The following SLC4A4 variants were observed in gnomAD, a reference collection of about 807,000 sequenced individuals.
SLC4A4 encodes electrogenic sodium bicarbonate cotransporter 1.
SLC4A4 carries 27 observed loss-of-function variants against 111.5 expected under a neutral mutation model. The observed-to-expected ratio is 0.24, with a 90% CI of 0.18 to 0.33. The LOEUF is 0.33. SLC4A4 is among the 10% of genes least tolerant of loss of function. The pLI, the probability that SLC4A4 is intolerant of heterozygous loss-of-function variation, is 1.00. For synonymous variants in SLC4A4, 443 were observed against 463.4 expected, an observed-to-expected ratio of 0.96 and a Z score of 0.57; for missense variants, 909 against 1,315.5, an observed-to-expected ratio of 0.69 and a Z score of 4.78.
chr4:71,149,976 C>T (rs1333126578), intron 2 of SLC4A4, among the ~76,000 whole-genome samples: 1 of 151,908 alleles, frequency 6.6e-6, no homozygotes, highest in Non-Finnish European at 1.5e-5. Flanking sequence ...TTTTAAAAAA[C>T]TTAAGCTTTC....
chr4:71,319,632 C>A (rs548022179), intron 3 of SLC4A4, among the ~76,000 whole-genome samples: 2 of 151,898 alleles, frequency 1.3e-5, no homozygotes, highest in Non-Finnish European at 2.9e-5. Context: ...ATCAAAAGTG[C>A]CAGAATCAAT....
chr4:71,425,138 T>C (rs1722999438), intron 7 of SLC4A4, among the ~76,000 whole-genome samples: 1 of 152,094 alleles, frequency 6.6e-6, no homozygotes, highest in South Asian at 2.1e-4. Flanking sequence ...GTGTTTAAGA[T>C]GGTATTTGTC....
intron 1 of SLC4A4, among the ~76,000 whole-genome samples, chr4:71,195,425 A>G (rs1745951249): frequency 6.6e-6 from 1 of 152,096 alleles, no homozygotes; most frequent in South Asian, 2.1e-4. Context: ...CTTGACGCAA[A>G]TGTGGCCAAT....
chr4:71,527,992 C>A (rs1578119074), intron 16 of SLC4A4, among the ~76,000 whole-genome samples: 1 of 152,004 alleles, frequency 6.6e-6, no homozygotes, highest in Non-Finnish European at 1.5e-5. Context: ...AGGAAACCAG[C>A]AAAGAAGAAC....
chr4:71,473,097 A>G (rs779954778), intron 14 of SLC4A4, 127 bp downstream of exon 14: 2 of 1,068,712 alleles, frequency 1.9e-6, no homozygotes, highest in South Asian at 2.5e-5. Flanking sequence ...TCTCTGAAAA[A>G]CTCTGCTACT....
chr4:71,472,175 A>T (rs192904125), intron 13 of SLC4A4, among the ~76,000 whole-genome samples: 1 of 151,896 alleles, frequency 6.6e-6, no homozygotes, highest in Non-Finnish European at 1.5e-5. Context: ...CTGCGACTTC[A>T]TCTTTCCTTC....
At chr4:71,455,190 A>C (rs1188336895) in intron 12 of SLC4A4, among the ~76,000 whole-genome samples, 1 of 152,200 alleles carries the variant, frequency 6.6e-6, no homozygotes, top group East Asian at 1.9e-4. Context: ...TGATTTTTAA[A>C]TATTGGCAAC....
chr4:71,316,041 G>C (rs1227852573), intron 3 of SLC4A4, among the ~76,000 whole-genome samples: 1 of 152,122 alleles, frequency 6.6e-6, no homozygotes, highest in Non-Finnish European at 1.5e-5. Context: ...GCTTTATTTA[G>C]AGCCAGTTGG....
At chr4:71,179,716 G>A (rs1745224430) in intron 2 of SLC4A4, among the ~76,000 whole-genome samples, 1 of 152,122 alleles carries the variant, frequency 6.6e-6, no homozygotes, top group South Asian at 2.1e-4. Flanking sequence ...ACAAACAAAT[G>A]GAAGAACATT....
chr4:71,369,634 C>CAGAAAGACAA, intron 6 of SLC4A4, among the ~76,000 whole-genome samples: 1 of 152,052 alleles, frequency 6.6e-6, no homozygotes, highest in African/African-American at 2.4e-5. Flanking sequence ...ACAGAATGGG[C>CAGAAAGACAA]TATGGACAAC....
chr4:71,174,938 G>A (rs1157992023), intron 2 of SLC4A4, among the ~76,000 whole-genome samples: 3 of 152,146 alleles, frequency 2.0e-5, no homozygotes, highest in Non-Finnish European at 2.9e-5. Context: ...GAGCCCAGGT[G>A]GGAAGTGAGC....
intron 22 of SLC4A4, among the ~76,000 whole-genome samples, chr4:71,558,821 A>T (rs1736700343): frequency 6.6e-6 from 1 of 151,702 alleles, no homozygotes; most frequent in Non-Finnish European, 1.5e-5. Flanking sequence ...GTTAGGTCAG[A>T]TTTTTTTCTT....
At chr4:71,338,271 T>C (rs1728589826) in intron 3 of SLC4A4, among the ~76,000 whole-genome samples, 1 of 152,228 alleles carries the variant, frequency 6.6e-6, no homozygotes, top group South Asian at 2.1e-4. Flanking sequence ...TCCTGTATTA[T>C]AATAGTTTTC....
chr4:71,361,205 C>T (rs974004857), intron 6 of SLC4A4, among the ~76,000 whole-genome samples: 2 of 152,302 alleles, frequency 1.3e-5, no homozygotes, highest in African/African-American at 2.4e-5. Flanking sequence ...CGCACGCACA[C>T]GTTCATGTAT....
chr4:71,388,261 G>A (rs1718943603), intron 6 of SLC4A4, among the ~76,000 whole-genome samples: 1 of 152,104 alleles, frequency 6.6e-6, no homozygotes, highest in Non-Finnish European at 1.5e-5. Context: ...GCGTGTGTGG[G>A]TATGTGTCTA....
chr4:71,170,383 G>C (rs2148981998), intron 2 of SLC4A4, among the ~76,000 whole-genome samples: 1 of 152,240 alleles, frequency 6.6e-6, no homozygotes, highest in East Asian at 1.9e-4. Context: ...AAAACAAGAG[G>C]AAAATTACAT....
intron 2 of SLC4A4, among the ~76,000 whole-genome samples, chr4:71,124,927 A>G (rs548480092): frequency 6.6e-6 from 1 of 152,312 alleles, no homozygotes; most frequent in African/African-American, 2.4e-5. Flanking sequence ...AATTTTGCTA[A>G]TGTTTCCTAC....
chr4:71,432,388 A>C (rs1723714550), intron 7 of SLC4A4, among the ~76,000 whole-genome samples: 1 of 152,056 alleles, frequency 6.6e-6, no homozygotes, highest in South Asian at 2.1e-4. Context: ...CATATTCCAC[A>C]CTCTGCTCTG....
At chr4:71,482,743 A>G (rs144897801) in intron 14 of SLC4A4, among the ~76,000 whole-genome samples, 266 of 151,752 alleles carry the variant, frequency 1.8e-3, no homozygotes, top group African/African-American at 6.2e-3. Context: ...CAGATCAGAC[A>G]TTTCAGATCA....
Sources: allele counts gnomAD v4.1 joint callset (sites outside exome capture counted in the v4.1 genomes callset), GRCh38; gene constraint gnomAD v4.1.1; transcripts MANE v1.5; gene names NCBI Gene and HGNC (gene_info 2026-07-23, HGNC 2026-07-21).